Variants in DLGAP2 observed in about 807,000 individuals in gnomAD.
The protein encoded by DLGAP2 is DLG associated protein 2.
In DLGAP2, 26 loss-of-function variants were observed where a neutral mutation model predicts 100.3. That is an observed-to-expected ratio of 0.26 (90% CI 0.19 to 0.36). The LOEUF (loss-of-function observed/expected upper bound fraction) is 0.36, where lower values mean the gene tolerates loss of function less well. Among genes scored for constraint, DLGAP2 ranks in the 10% least tolerant of loss-of-function variants. The probability of loss-of-function intolerance (pLI) is 1.00; values close to 1 mark genes in which losing one functional copy is unlikely to be tolerated. For synonymous variants in DLGAP2, 886 were observed against 630.1 expected, an observed-to-expected ratio of 1.41 and a Z score of -6.08; for missense variants, 1,858 against 1,453.2, an observed-to-expected ratio of 1.28 and a Z score of -4.53.
At chr8:1,051,914 G>A (rs914629053) in intron 2 of DLGAP2, among the ~76,000 whole-genome samples, 1 of 152,114 alleles carries the variant, frequency 6.6e-6, no homozygotes, top group Admixed American at 6.5e-5. Flanking sequence ...ATTCATGAGA[G>A]CAAATGAGCT....
chr8:1,279,938 G>C (rs1799782615), intron 3 of DLGAP2, among the ~76,000 whole-genome samples: 1 of 152,194 alleles, frequency 6.6e-6, no homozygotes, highest in African/African-American at 2.4e-5. Context: ...AGAACCAGGA[G>C]GCGCAGAGCC....
At chr8:948,446 C>T (rs1799387842) in intron 2 of DLGAP2, among the ~76,000 whole-genome samples, 1 of 152,246 alleles carries the variant, frequency 6.6e-6, no homozygotes, top group Non-Finnish European at 1.5e-5. Context: ...CCCTTCCTTC[C>T]TCAGGCCCGG....
chr8:1,343,236 C>T (rs909080176), intron 3 of DLGAP2, among the ~76,000 whole-genome samples: 8 of 152,188 alleles, frequency 5.3e-5, no homozygotes, highest in Admixed American at 1.3e-4. Flanking sequence ...AAGTCCGCCA[C>T]GGTGAGAGGT....
At chr8:860,477 G>A (rs565893910) in intron 1 of DLGAP2, among the ~76,000 whole-genome samples, 5 of 152,284 alleles carry the variant, frequency 3.3e-5, no homozygotes, top group South Asian at 4.1e-4. Context: ...TCATTGTCCT[G>A]GACCAAATGA....
At chr8:1,335,009 A>T (rs1019393363) in intron 3 of DLGAP2, among the ~76,000 whole-genome samples, 3 of 152,186 alleles carry the variant, frequency 2.0e-5, no homozygotes, top group East Asian at 1.9e-4. Context: ...CAGAAATCTT[A>T]TAAGCATCTA....
intron 3 of DLGAP2, among the ~76,000 whole-genome samples, chr8:1,305,225 T>G (rs1216855552): frequency 1.3e-5 from 2 of 152,178 alleles, no homozygotes; most frequent in African/African-American, 4.8e-5. Context: ...GAAAGTAGCA[T>G]CTCTCAATGT....
chr8:834,293 C>T (rs78703587), intron 1 of DLGAP2, among the ~76,000 whole-genome samples: 6,275 of 152,224 alleles, frequency 0.041, 203 homozygotes, highest in African/African-American at 0.081. Context: ...TGTATGCCAG[C>T]GTGTGGCTGT....
intron 6 of DLGAP2, among the ~76,000 whole-genome samples, chr8:1,624,897 T>G (rs1797453211): frequency 7.6e-6 from 1 of 132,124 alleles, no homozygotes; most frequent in Non-Finnish European, 1.6e-5. Context: ...TTCCTTTTTT[T>G]GGTCTAAGTC....
intron 1 of DLGAP2, among the ~76,000 whole-genome samples, chr8:827,582 G>T (rs115696753): frequency 0.042 from 6,319 of 152,196 alleles, 199 homozygotes; most frequent in African/African-American, 0.082. Context: ...TTTCTGTTGT[G>T]CTTAGACAAG....
intron 1 of DLGAP2, among the ~76,000 whole-genome samples, chr8:818,184 G>T (rs544578209): frequency 1.3e-5 from 2 of 152,278 alleles, no homozygotes; most frequent in South Asian, 4.2e-4. Context: ...CAGCTGCTGT[G>T]GGGGATGGAC....
intron 3 of DLGAP2, among the ~76,000 whole-genome samples, chr8:1,473,870 T>C (rs561786330): frequency 6.6e-6 from 1 of 152,326 alleles, no homozygotes; most frequent in Non-Finnish European, 1.5e-5. Flanking sequence ...GCCTTTCACC[T>C]TCCACCATGA....
At chr8:1,260,704 C>T (rs1320201469) in intron 3 of DLGAP2, among the ~76,000 whole-genome samples, 4 of 152,160 alleles carry the variant, frequency 2.6e-5, no homozygotes, top group Non-Finnish European at 5.9e-5. Context: ...TGGTAAATCT[C>T]CCCGGAGTCC....
At chr8:1,569,599 C>T (rs1802569472) in intron 6 of DLGAP2, among the ~76,000 whole-genome samples, 1 of 152,200 alleles carries the variant, frequency 6.6e-6, no homozygotes, top group African/African-American at 2.4e-5. Context: ...TGGATTCCAA[C>T]GTAATTCATT....
chr8:1,562,848 A>G (rs1283856894), intron 5 of DLGAP2, among the ~76,000 whole-genome samples: 9 of 8,822 alleles, frequency 1.0e-3, no homozygotes, highest in Admixed American at 2.0e-3. Context: ...GCGCCTCGTT[A>G]CTGGGGGGCT....
intron 1 of DLGAP2, among the ~76,000 whole-genome samples, chr8:741,682 G>C (rs62484229): frequency 0.014 from 2,195 of 152,308 alleles, 21 homozygotes; most frequent in Middle Eastern, 0.024. Flanking sequence ...TTGCAGTTCA[G>C]TGTACGCTTC....
At chr8:1,007,506 ACTAAATC>A (rs1195795800) in intron 2 of DLGAP2, among the ~76,000 whole-genome samples, 2 of 152,176 alleles carry the variant, frequency 1.3e-5, no homozygotes, top group Non-Finnish European at 2.9e-5. Flanking sequence ...TGTGTCTCTA[ACTAAATC>A]CTAGGGAGGC....
chr8:1,315,428 C>T (rs1470606283), intron 3 of DLGAP2, among the ~76,000 whole-genome samples: 10 of 133,594 alleles, frequency 7.5e-5, no homozygotes, highest in East Asian at 2.3e-4. Flanking sequence ...AAAAATAGAG[C>T]GTGTGCGAGT....
chr8:854,648 T>A (rs779599518), intron 1 of DLGAP2, among the ~76,000 whole-genome samples: 1 of 150,944 alleles, frequency 6.6e-6, no homozygotes, highest in Non-Finnish European at 1.5e-5. Context: ...TGTGTGTGCA[T>A]GTGTCTGTGT....
intron 2 of DLGAP2, among the ~76,000 whole-genome samples, chr8:919,678 A>T (rs56218719): frequency 0.07 from 10,591 of 152,186 alleles, 517 homozygotes; most frequent in Non-Finnish European, 0.095. Context: ...CCCTGGAGGA[A>T]ACTGCACCAG....
Sources: allele counts gnomAD v4.1 joint callset (sites outside exome capture counted in the v4.1 genomes callset), GRCh38; gene constraint gnomAD v4.1.1; transcripts MANE v1.5; gene names NCBI Gene and HGNC (gene_info 2026-07-23, HGNC 2026-07-21).